The following CCM2 variants were observed in gnomAD, a reference collection of about 807,000 sequenced individuals.
CCM2 encodes the protein CCM2 scaffold protein, also known as cerebral cavernous malformations 2 protein.
In CCM2, 25 loss-of-function variants were observed where a neutral mutation model predicts 44.9. That is an observed-to-expected ratio of 0.56 (90% CI 0.41 to 0.78). CCM2 has a LOEUF of 0.78. CCM2 is among the 30% of genes least tolerant of loss of function. The pLI is 0.00. For synonymous variants in CCM2, 219 were observed against 241.1 expected (o/e 0.91, Z 0.85); for missense variants, 481 against 580.6 (o/e 0.83, Z 1.76).
chr7:45,049,345 A>G (rs777243145), intron 2 of CCM2, among the ~76,000 whole-genome samples: 1 of 152,226 alleles, frequency 6.6e-6, no homozygotes, highest in Non-Finnish European at 1.5e-5. Context: ...AAAAGAAATC[A>G]TGTGCACCCT....
chr7:45,046,971 A>G (rs1387087263), intron 2 of CCM2, among the ~76,000 whole-genome samples: 1 of 152,250 alleles, frequency 6.6e-6, no homozygotes, highest in Non-Finnish European at 1.5e-5. Flanking sequence ...ACATGAAAAT[A>G]TGCTCAGCAT....
chr7:45,074,565 A>C, intron 9 of CCM2, among the ~76,000 whole-genome samples, 157 bp downstream of exon 9: 1 of 152,174 alleles, frequency 6.6e-6, no homozygotes, highest in Non-Finnish European at 1.5e-5. Context: ...CAGAGTCCAG[A>C]GATCGGGGAA....
intron 8 of CCM2, chr7:45,073,908 G>A: frequency 1.9e-6 from 1 of 517,764 alleles, no homozygotes; most frequent in Admixed American, 3.3e-5. Context: ...TTCTGTCATT[G>A]CAAACTCAAG....
chr7:44,999,892 G>A (rs1795511990), upstream of CCM2: 3 of 351,226 alleles, frequency 8.5e-6, no homozygotes, highest in African/African-American at 6.6e-5. Context: ...GCGAAGTAGG[G>A]GTAGGAGCGT....
chr7:45,038,834 G>A (rs1377676998), intron 2 of CCM2, among the ~76,000 whole-genome samples: 1 of 152,232 alleles, frequency 6.6e-6, no homozygotes, highest in African/African-American at 2.4e-5. Context: ...TGTGTTTGAG[G>A]CTCATCATTG....
At chr7:45,012,911 C>G (rs1796123208) in intron 1 of CCM2, among the ~76,000 whole-genome samples, 1 of 152,126 alleles carries the variant, frequency 6.6e-6, no homozygotes, top group African/African-American at 2.4e-5. Context: ...GAGTTTTAAA[C>G]TGCATGCTTT....
chr7:45,043,910 A>G (rs1407590036), intron 2 of CCM2, among the ~76,000 whole-genome samples: 1 of 152,060 alleles, frequency 6.6e-6, no homozygotes, highest in Non-Finnish European at 1.5e-5. Flanking sequence ...GTCCTTTTTT[A>G]TAACTCCTTG....
chr7:45,021,038 C>T (rs941159882), intron 1 of CCM2, among the ~76,000 whole-genome samples: 2 of 152,118 alleles, frequency 1.3e-5, no homozygotes, highest in South Asian at 2.1e-4. Flanking sequence ...GGTCTTAGTG[C>T]TCATGAGGTC....
intron 1 of CCM2, among the ~76,000 whole-genome samples, chr7:45,036,862 A>G (rs761127365): frequency 1.3e-5 from 2 of 151,934 alleles, no homozygotes; most frequent in Non-Finnish European, 2.9e-5. Context: ...AGCTTGGCCT[A>G]CTGTGGGGGT....
intron 1 of CCM2, among the ~76,000 whole-genome samples, chr7:45,005,954 G>A (rs1262561968): frequency 6.6e-6 from 1 of 152,206 alleles, no homozygotes; most frequent in Non-Finnish European, 1.5e-5. Flanking sequence ...CACTGGAGGT[G>A]TTCCACATCA....
Position 45,008,642 on chromosome 7 carries a change from G to A in CCM2, c.30+8279G>A, listed in dbSNP as rs137982170. Among the ~76,000 whole-genome samples, 6 of 152,202 alleles carry A rather than the reference G, an allele frequency of 3.9e-5. No homozygotes were observed. The East Asian group carries it at 7.7e-4, about 20-fold the overall frequency. Reference sequence around the variant, plus strand: ...CTCCCAAAGTACTGGGATTACAGGCGTGAGCCACCGCACCCGGCCAAGGGT... The same window carrying A: ...CTCCCAAAGTACTGGGATTACAGGCATGAGCCACCGCACCCGGCCAAGGGT... On this transcript the variant is annotated intron_variant, in intron 1 of 9. Transcript: ENST00000258781.
At chr7:45,057,152 CTCTTTTTTTCTTTCTT>C (rs1259442293) in intron 2 of CCM2, among the ~76,000 whole-genome samples, 1 of 151,742 alleles carries the variant, frequency 6.6e-6, no homozygotes, top group Non-Finnish European at 1.5e-5. Context: ...TTCTTGGGCT[CTCTTTTTTTCTTTCTT>C]TCTTTTTTTT....
chr7:45,066,701 G>A (rs925923739), intron 4 of CCM2, among the ~76,000 whole-genome samples: 4 of 152,104 alleles, frequency 2.6e-5, no homozygotes, highest in East Asian at 1.9e-4. Flanking sequence ...AGGGTCACCC[G>A]TGCACCCGTG....
Position 45,050,603 on chromosome 7 carries a change from C to T in CCM2, c.204+12177C>T, listed in dbSNP as rs183198238. 2.6e-5 allele frequency among the ~76,000 whole-genome samples: 4 copies of T among 152,274 alleles called. No homozygotes were observed. The East Asian group carries it at 7.7e-4, about 29-fold the overall frequency. The stretch of plus-strand genomic sequence containing the variant: ...AAATGTTTTCTCATTATAGTTTGTA[C>T]TTATAAGTGAGGTTGAGTGTCTTTC... On this transcript the variant is annotated intron_variant, in intron 2 of 9. Coordinates refer to ENST00000258781, the MANE Select transcript of CCM2 (RefSeq NM_031443.4).
In CCM2 at chr7:45,076,432, T is replaced by G. The variant is rs1479945861; in HGVS notation, c.*375T>G. ...CTCTCAGAGACCTTAAAAAGAAGTTTACTGCAATGTGAATAATTTAATCTC... is the reference window on the plus strand; with the variant it reads ...CTCTCAGAGACCTTAAAAAGAAGTTGACTGCAATGTGAATAATTTAATCTC... On this transcript the variant is annotated 3_prime_UTR_variant, in exon 10 of 10. Transcript: ENST00000258781. The G allele has an allele frequency of 5.2e-6, 2 of 384,168 alleles. No individual in the cohort carries two copies. The highest frequency in any genetic ancestry group is 5.1e-6 in the Non-Finnish European group (1 of 197,968). The allele number at this position is 384,168 out of a possible 1,614,324, so 23.8% of individuals were successfully genotyped here. A position where few individuals can be genotyped will look rare whatever the true frequency, so the allele number is the denominator to read the frequency against.
At chr7:45,063,642 G>A (rs868237596) in intron 2 of CCM2, among the ~76,000 whole-genome samples, 4 of 152,148 alleles carry the variant, frequency 2.6e-5, no homozygotes, top group African/African-American at 9.7e-5. Flanking sequence ...AGTAGTTTTG[G>A]TACTAGTAGT....
chr7:45,025,180 A>C (rs1326162384), intron 1 of CCM2, among the ~76,000 whole-genome samples: 3 of 152,220 alleles, frequency 2.0e-5, no homozygotes, highest in East Asian at 3.8e-4. Flanking sequence ...GAGAGAAAGC[A>C]AATTTTCGTA....
rs1562907365 is a variant in CCM2 at position 45,064,462 on chromosome 7, G to A, written c.289-1G>A. On this transcript the variant is annotated splice_acceptor_variant, in intron 3 of 9. Transcript: ENST00000258781. LOFTEE classifies it high-confidence loss of function. The stretch of plus-strand genomic sequence containing the variant: ...TTCTGATGCCCTGTGGTTCCTTCCA[G>A]AGAGCCCACCAGCTTCCGGGACACT... The A allele has an allele frequency of 1.9e-6, 3 of 1,612,946 alleles. No homozygotes were observed. Among genetic ancestry groups the A allele is most frequent in the Non-Finnish European group, 2.5e-6 (3 of 1,179,854 alleles).
chr7:45,054,740 C>T (rs1347120474), intron 2 of CCM2, among the ~76,000 whole-genome samples: 2 of 152,204 alleles, frequency 1.3e-5, no homozygotes, highest in African/African-American at 4.8e-5. Flanking sequence ...CTCACTGCTT[C>T]ACCGTGGTCC....
Sources: allele counts gnomAD v4.1 joint callset (sites outside exome capture counted in the v4.1 genomes callset), GRCh38; gene constraint gnomAD v4.1.1; transcripts MANE v1.5; gene names NCBI Gene and HGNC (gene_info 2026-07-23, HGNC 2026-07-21).